Variants in SNTG2 observed in about 807,000 individuals in gnomAD.
SNTG2 encodes the protein gamma-2-syntrophin.
In SNTG2, 74 loss-of-function variants were observed where a neutral mutation model predicts 70.9. The observed-to-expected ratio is 1.04, with a 90% CI of 0.86 to 1.27. The LOEUF (loss-of-function observed/expected upper bound fraction) is 1.27, where lower values mean the gene tolerates loss of function less well. Ranked by LOEUF, SNTG2 falls within the 50% of genes most tolerant of loss-of-function variation. The pLI, the probability that SNTG2 is intolerant of heterozygous loss-of-function variation, is 0.00. For missense variants in SNTG2, 717 were observed against 690.7 expected, an observed-to-expected ratio of 1.04 and a Z score of -0.43; for synonymous variants, 278 against 273.8, an observed-to-expected ratio of 1.02 and a Z score of -0.15.
At chr2:1,222,448 G>T (rs770569521) in intron 9 of SNTG2, among the ~76,000 whole-genome samples, 1 of 152,228 alleles carries the variant, frequency 6.6e-6, no homozygotes, top group Non-Finnish European at 1.5e-5. Flanking sequence ...GAACAGGAGG[G>T]GCTTCTTAAG....
intron 16 of SNTG2, among the ~76,000 whole-genome samples, chr2:1,335,450 T>C (rs1659771940): frequency 6.6e-6 from 1 of 152,122 alleles, no homozygotes; most frequent in South Asian, 2.1e-4. Context: ...CTCATGCTCC[T>C]CTCTGACCCT....
intron 8 of SNTG2, among the ~76,000 whole-genome samples, chr2:1,173,861 G>A (rs1385578464): frequency 6.6e-6 from 1 of 152,266 alleles, no homozygotes; most frequent in Non-Finnish European, 1.5e-5. Flanking sequence ...GCGCCCCTTG[G>A]GGAATTCATC....
At chr2:1,222,175 T>TCTCTGTCTC (rs1558554158) in intron 9 of SNTG2, among the ~76,000 whole-genome samples, 1 of 110,400 alleles carries the variant, frequency 9.1e-6, no homozygotes, top group Non-Finnish European at 2.0e-5. Flanking sequence ...TTGTCTCTCT[T>TCTCTGTCTC]TTTCTCCCTC....
chr2:993,261 T>C (rs1273209931), intron 1 of SNTG2, among the ~76,000 whole-genome samples: 1 of 134,304 alleles, frequency 7.4e-6, no homozygotes, highest in Non-Finnish European at 1.5e-5. Context: ...GAGTGTGATA[T>C]TCCCCTTCCT....
At chr2:1,340,980 C>T (rs1392788112) in intron 16 of SNTG2, 4 of 152,182 alleles carry the variant, frequency 2.6e-5, no homozygotes, top group Admixed American at 2.6e-4. Flanking sequence ...AGTTTACGTG[C>T]AGTATCTCAC....
chr2:1,222,525 G>GCAGCCCGGGCACTGATCTTGTGTCT lies in SNTG2; in HGVS notation c.719+13296_719+13297insAGCCCGGGCACTGATCTTGTGTCTC, dbSNP rs1675357463. Among the ~76,000 whole-genome samples the GCAGCCCGGGCACTGATCTTGTGTCT allele has an allele frequency of 4.6e-5, 6 of 129,248 alleles. No individual in the cohort carries two copies. In the East Asian group the frequency reaches 7.1e-4, roughly 15 times the overall value. 84.8% of individuals were successfully genotyped at this position (129,248 alleles called of 152,430 possible). Reference sequence around the variant, plus strand: ...TGGAGGGCGTCTCCCTGTCCTGCCTGCTGCTGGAGGTGCTGGATCGCTGTA... The same window carrying GCAGCCCGGGCACTGATCTTGTGTCT: ...TGGAGGGCGTCTCCCTGTCCTGCCTGCAGCCCGGGCACTGATCTTGTGTCTCTGCTGGAGGTGCTGGATCGCTGTA... On this transcript the variant is annotated intron_variant, in intron 9 of 16. Transcript: ENST00000308624.
intron 1 of SNTG2, among the ~76,000 whole-genome samples, chr2:1,004,236 C>T (rs946487059): frequency 2.6e-5 from 4 of 152,104 alleles, no homozygotes; most frequent in African/African-American, 9.7e-5. Flanking sequence ...AAAACTCTTA[C>T]AAGATAACAC....
intron 1 of SNTG2, among the ~76,000 whole-genome samples, chr2:1,039,957 A>G (rs901244864): frequency 6.6e-6 from 1 of 151,904 alleles, no homozygotes; most frequent in Non-Finnish European, 1.5e-5. Flanking sequence ...CAGATGGGAC[A>G]CTCTGGGATT....
At chr2:1,005,451 C>T (rs553020942) in intron 1 of SNTG2, among the ~76,000 whole-genome samples, 5 of 152,036 alleles carry the variant, frequency 3.3e-5, no homozygotes, top group East Asian at 1.9e-4. Flanking sequence ...GTACCGTCCT[C>T]GTCCTCTCAG....
intron 1 of SNTG2, among the ~76,000 whole-genome samples, chr2:970,825 A>C (rs1660716210): frequency 6.6e-6 from 1 of 152,106 alleles, no homozygotes; most frequent in Non-Finnish European, 1.5e-5. Flanking sequence ...CTAGTTCTAG[A>C]TCCCTGAGGA....
At chr2:1,032,596 A>C (rs2148037793) in intron 1 of SNTG2, among the ~76,000 whole-genome samples, 1 of 152,356 alleles carries the variant, frequency 6.6e-6, no homozygotes, top group Non-Finnish European at 1.5e-5. Context: ...AAGTAAAATA[A>C]GAATCATGCC....
At chr2:1,023,170 C>A (rs1431771734) in intron 1 of SNTG2, among the ~76,000 whole-genome samples, 1 of 151,472 alleles carries the variant, frequency 6.6e-6, no homozygotes, top group African/African-American at 2.4e-5. Flanking sequence ...TATTTTCTGG[C>A]CCGTGTCTTG....
chr2:1,243,707 G>A (rs983278121), intron 11 of SNTG2, among the ~76,000 whole-genome samples: 7 of 152,140 alleles, frequency 4.6e-5, no homozygotes, highest in African/African-American at 9.7e-5. Context: ...AAATTGCAGC[G>A]CATGATTAAG....
In SNTG2 at chr2:1,217,702, C is replaced by T. The variant is rs181008991; in HGVS notation, c.719+8472C>T. Among the ~76,000 whole-genome samples, 34 of 152,182 alleles carry T rather than the reference C, an allele frequency of 2.2e-4. 1 individual carries two copies. In the East Asian group the frequency reaches 3.3e-3, roughly 15 times the overall value. On this transcript the variant is annotated intron_variant, in intron 9 of 16. Coordinates refer to ENST00000308624, the MANE Select transcript of SNTG2 (RefSeq NM_018968.4). Reference sequence around the variant, plus strand: ...TACATTGTATGTAGAAATGTATGTACATTTCTGTTATGTAGAAATGTCTGT... The same window carrying T: ...TACATTGTATGTAGAAATGTATGTATATTTCTGTTATGTAGAAATGTCTGT...
intron 1 of SNTG2, among the ~76,000 whole-genome samples, chr2:1,053,585 T>C (rs1181122013): frequency 6.6e-6 from 1 of 151,692 alleles, no homozygotes; most frequent in Non-Finnish European, 1.5e-5. Context: ...TTTTATTGTT[T>C]TCCACTTTGG....
chr2:1,339,531 TG>T (rs543414040), intron 16 of SNTG2, among the ~76,000 whole-genome samples: 73 of 152,336 alleles, frequency 4.8e-4, no homozygotes, highest in African/African-American at 1.6e-3. Context: ...ATAGAAGGAA[TG>T]GTTTGTAGCT....
chr2:1,040,144 C>G (rs1458672327), intron 1 of SNTG2, among the ~76,000 whole-genome samples: 1 of 152,202 alleles, frequency 6.6e-6, no homozygotes, highest in Non-Finnish European at 1.5e-5. Flanking sequence ...CCACTTACGC[C>G]TGCATCATTC....
In SNTG2 at chr2:1,267,590, C is replaced by G. The variant is rs189562022; in HGVS notation, c.1284+19C>G. The G allele has an allele frequency of 6.2e-7, 1 of 1,606,200 alleles. No individual in the cohort carries two copies. The highest frequency in any genetic ancestry group is 8.5e-7 in the Non-Finnish European group (1 of 1,174,682). On this transcript the variant is annotated intron_variant, in intron 14 of 16. Coordinates refer to ENST00000308624, the MANE Select transcript of SNTG2 (RefSeq NM_018968.4). Reference sequence around the variant, plus strand: ...AACCGGGGTAAGTGAACAACTCACACTCTTCTCACCTACACCTGCTCGGGT... The same window carrying G: ...AACCGGGGTAAGTGAACAACTCACAGTCTTCTCACCTACACCTGCTCGGGT...
At position 1,340,523 on chromosome 2, in the gene SNTG2, C is replaced by T. The variant is rs540712000; in HGVS notation, c.1488+24148C>T. Reference sequence around the variant, plus strand: ...AATAACAAAATGTTGTTGAAAATGGCGTCTCTCCAAAAAGATATGATCACC... The same window carrying T: ...AATAACAAAATGTTGTTGAAAATGGTGTCTCTCCAAAAAGATATGATCACC... On this transcript the variant is annotated intron_variant, in intron 16 of 16. Transcript: ENST00000308624. 8.5e-5 allele frequency among the ~76,000 whole-genome samples: 13 copies of T among 152,180 alleles called. No homozygotes were observed. In the South Asian group the frequency reaches 2.7e-3, roughly 32 times the overall value.
Sources: gnomAD v4.1 joint callset for allele counts (sites outside exome capture counted in the v4.1 genomes callset) on GRCh38, gnomAD v4.1.1 for gene constraint, MANE v1.5 for transcripts, NCBI Gene and HGNC (gene_info 2026-07-23, HGNC 2026-07-21) for gene names.